SLC4A4: variants seen among roughly 807,000 people sequenced by gnomAD.
SLC4A4 encodes electrogenic sodium bicarbonate cotransporter 1.
Under a neutral mutation model 111.5 loss-of-function variants are expected in SLC4A4, and 27 were observed. That is an observed-to-expected ratio of 0.24 (90% CI 0.18 to 0.33). The LOEUF (loss-of-function observed/expected upper bound fraction) is 0.33. Among genes scored for constraint, SLC4A4 ranks in the 10% least tolerant of loss-of-function variants. SLC4A4 has a pLI of 1.00. For synonymous variants in SLC4A4, 443 were observed against 463.4 expected (o/e 0.96, Z 0.57); for missense variants, 909 against 1,315.5 (o/e 0.69, Z 4.78).
Position 71,532,088 on chromosome 4 carries a change from C to T in SLC4A4, c.2193C>T (p.Ala731=), listed in dbSNP as rs1372564016. 1 of 1,612,316 alleles carries T rather than the reference C, an allele frequency of 6.2e-7. No individual in the cohort carries two copies. The highest frequency in any genetic ancestry group is 2.2e-5 in the East Asian group (1 of 44,824). ...CAAGAAAACTGATCAGTGATTTTGC[C>T]ATTATCTTGTCCATTCTCATCTTTT... ...TTARKLISDF[A]IILSILIFCV... is the part of the protein sequence containing the mutation. The change falls in exon 17 of 26, where the codon GCC becomes GCT. Residue 731 remains alanine, a synonymous_variant. Coordinates refer to ENST00000264485, the MANE Select transcript of SLC4A4 (RefSeq NM_001098484.3).
chr4:71,184,354 TTA>T (rs1745388342), upstream of SLC4A4, among the ~76,000 whole-genome samples: 1 of 152,216 alleles, frequency 6.6e-6, no homozygotes, highest in South Asian at 2.1e-4. Context: ...TTCATTCTTC[TTA>T]GAGACATTAT....
chr4:71,501,847 G>A (rs190118439), intron 16 of SLC4A4, among the ~76,000 whole-genome samples: 269 of 152,092 alleles, frequency 1.8e-3, no homozygotes, highest in South Asian at 5.8e-3. Context: ...TGTATTTTTA[G>A]TAGAGATGGG....
At chr4:71,261,108 C>T (rs7661997) in intron 3 of SLC4A4, among the ~76,000 whole-genome samples, 2,989 of 152,230 alleles carry the variant, frequency 0.02, 85 homozygotes, top group East Asian at 0.067. Flanking sequence ...TGGCTCCTAA[C>T]GGCATATTTG....
At chr4:71,526,787 G>C (rs1372925038) in intron 16 of SLC4A4, among the ~76,000 whole-genome samples, 1 of 151,908 alleles carries the variant, frequency 6.6e-6, no homozygotes, top group Non-Finnish European at 1.5e-5. Context: ...ATTCCTTCTC[G>C]AGGCTCTAGG....
At chr4:71,173,637 A>T (rs1390293767) in intron 2 of SLC4A4, among the ~76,000 whole-genome samples, 1 of 152,142 alleles carries the variant, frequency 6.6e-6, no homozygotes, top group Non-Finnish European at 1.5e-5. Context: ...AGCCTCCCAA[A>T]GTGGTGGGAT....
chr4:71,556,465 C>A (rs1456387082), intron 21 of SLC4A4, among the ~76,000 whole-genome samples: 3 of 151,820 alleles, frequency 2.0e-5, no homozygotes, highest in African/African-American at 7.3e-5. Context: ...AAGTTTAATT[C>A]TATGTGTTTT....
At chr4:71,221,302 T>C (rs1231222942) in intron 1 of SLC4A4, among the ~76,000 whole-genome samples, 1 of 152,212 alleles carries the variant, frequency 6.6e-6, no homozygotes, top group Non-Finnish European at 1.5e-5. Context: ...CCTTACTGCT[T>C]TCCACTGTGA....
chr4:71,394,274 C>A (rs1296166026), intron 6 of SLC4A4, among the ~76,000 whole-genome samples: 2 of 151,970 alleles, frequency 1.3e-5, no homozygotes, highest in Non-Finnish European at 2.9e-5. Context: ...GGACTAATAT[C>A]CAGGATCTAC....
chr4:71,376,256 C>T (rs1732378425), intron 6 of SLC4A4, among the ~76,000 whole-genome samples: 1 of 151,166 alleles, frequency 6.6e-6, no homozygotes, highest in Non-Finnish European at 1.5e-5. Context: ...GGCTGGAGTG[C>T]AGTGGCGCGA....
At chr4:71,119,235 T>C (rs1743351330) in intron 2 of SLC4A4, among the ~76,000 whole-genome samples, 1 of 152,206 alleles carries the variant, frequency 6.6e-6, no homozygotes. Flanking sequence ...CATAGTCTAT[T>C]AAGAAATATA....
chr4:71,425,813 G>A (rs922166386), intron 7 of SLC4A4, among the ~76,000 whole-genome samples: 1 of 152,056 alleles, frequency 6.6e-6, no homozygotes, highest in African/African-American at 2.4e-5. Context: ...TATCTGGGTT[G>A]AGATAAAGGG....
intron 7 of SLC4A4, chr4:71,438,040 G>T (rs369669634): frequency 1.3e-5 from 2 of 153,508 alleles, no homozygotes; most frequent in Non-Finnish European, 2.9e-5. Flanking sequence ...CTGTGGCTGC[G>T]CAAGGCCACT....
chr4:71,455,819 G>C, intron 12 of SLC4A4, among the ~76,000 whole-genome samples: 1 of 152,274 alleles, frequency 6.6e-6, no homozygotes, highest in East Asian at 1.9e-4. Flanking sequence ...TCTGACTGTA[G>C]AGAAGAAGTC....
In SLC4A4 at chr4:71,148,544, C is replaced by T. The variant is rs571039588; in HGVS notation, c.-2+55752C>T. 2.7e-4 allele frequency among the ~76,000 whole-genome samples: 41 copies of T among 152,226 alleles called. 1 individual carries two copies. Among genetic ancestry groups the T allele is most frequent in the Non-Finnish European group, 1.5e-5 (1 of 68,012 alleles). On this transcript the variant is annotated intron_variant, in intron 2 of 26. Coordinates refer to the SLC4A4 transcript ENST00000649996. ...GTTATTTTTTCTGATCCTCTCCTTC[C>T]TCTCATCCTCCACTCTCTGATAAGC...
At chr4:71,156,588 G>GCGCGCGCGCACACACACACACACACA (rs376043069) in intron 2 of SLC4A4, among the ~76,000 whole-genome samples, 1 of 138,512 alleles carries the variant, frequency 7.2e-6, no homozygotes, top group Admixed American at 7.6e-5. Context: ...GCGCGCGCGC[G>GCGCGCGCGCACACACACACACACACA]CACACACACA....
intron 11 of SLC4A4, among the ~76,000 whole-genome samples, chr4:71,451,871 T>C (rs1725793222): frequency 2.0e-5 from 3 of 152,216 alleles, no homozygotes; most frequent in Non-Finnish European, 2.9e-5. Flanking sequence ...ATTTCTCACC[T>C]GTATGTGTAT....
chr4:71,236,061 C>T (rs1719777403), intron 1 of SLC4A4: 1 of 994,658 alleles, frequency 1.0e-6, no homozygotes, highest in Non-Finnish European at 1.2e-6. Context: ...TAGGCTCCCA[C>T]TGTGCACTAG....
At chr4:71,171,058 A>G (rs1302838862) in intron 2 of SLC4A4, among the ~76,000 whole-genome samples, 2 of 152,198 alleles carry the variant, frequency 1.3e-5, no homozygotes, top group East Asian at 3.8e-4. Flanking sequence ...GGTTGAAGCC[A>G]TGTCATGAAA....
intron 8 of SLC4A4, among the ~76,000 whole-genome samples, chr4:71,444,935 T>G (rs1186078632): frequency 6.6e-6 from 1 of 152,198 alleles, no homozygotes; most frequent in Non-Finnish European, 1.5e-5. Context: ...TATTCCTGAT[T>G]GGAGTAATGT....
Sources: allele counts gnomAD v4.1 joint callset (sites outside exome capture counted in the v4.1 genomes callset), GRCh38; gene constraint gnomAD v4.1.1; transcripts MANE v1.5; gene names NCBI Gene and HGNC (gene_info 2026-07-23, HGNC 2026-07-21).